The following MAGI1 variants were observed in gnomAD, a reference collection of about 807,000 sequenced individuals.
The protein encoded by MAGI1 is membrane associated guanylate kinase, WW and PDZ domain containing 1.
MAGI1 carries 58 observed loss-of-function variants against 139.9 expected under a neutral mutation model. That is an observed-to-expected ratio of 0.41 (90% CI 0.34 to 0.52). MAGI1 has a LOEUF of 0.52. Ranked by LOEUF, MAGI1 falls within the 20% of genes least tolerant of loss-of-function variation. The pLI is 0.12. For missense variants in MAGI1, 1,874 were observed against 1,901.6 expected (o/e 0.99, Z 0.27); for synonymous variants, 812 against 737.9 (o/e 1.10, Z -1.63).
chr3:65,453,405 T>C lies in MAGI1; in HGVS notation c.960-65A>G, dbSNP rs1351413776. The stretch of plus-strand genomic sequence containing the variant: ...AAAAAAAAAAAAGCAAGAAGCCCAA[T>C]GACGGAATTACACACTCTTGAATAT... On this transcript the variant is annotated intron_variant, in intron 5 of 22. Coordinates refer to ENST00000402939, the MANE Select transcript of MAGI1 (RefSeq NM_001033057.2). 1.1e-5 allele frequency: 13 copies of C among 1,196,302 alleles called. No individual in the cohort carries two copies. The African/African-American group carries it at 2.1e-4, about 19-fold the overall frequency. The allele number at this position is 1,196,302 out of a possible 1,614,324, so 74.1% of individuals were successfully genotyped here. A position where few individuals can be genotyped will look rare whatever the true frequency, so the allele number is the denominator to read the frequency against.
chr3:65,542,770 T>C (rs894654357), intron 2 of MAGI1, among the ~76,000 whole-genome samples: 1 of 152,166 alleles, frequency 6.6e-6, no homozygotes, highest in Non-Finnish European at 1.5e-5. Flanking sequence ...AGTAAAGACT[T>C]AAACATAAGA....
intron 1 of MAGI1, among the ~76,000 whole-genome samples, chr3:65,999,349 T>C (rs920439266): frequency 1.3e-5 from 2 of 152,180 alleles, no homozygotes; most frequent in African/African-American, 4.8e-5. Context: ...CAATAAAATC[T>C]GGGAGCAATA....
At chr3:65,795,845 G>T (rs2108096429) in intron 1 of MAGI1, among the ~76,000 whole-genome samples, 1 of 152,010 alleles carries the variant, frequency 6.6e-6, no homozygotes, top group East Asian at 2.0e-4. Flanking sequence ...GAGGTCAGGA[G>T]TTCAAGACCA....
chr3:65,504,785 G>A (rs574115622), intron 2 of MAGI1, among the ~76,000 whole-genome samples: 1 of 152,236 alleles, frequency 6.6e-6, no homozygotes, highest in Non-Finnish European at 1.5e-5. Context: ...AGAATACTGA[G>A]GAGGACCAGA....
chr3:65,518,873 T>G (rs1177578123), intron 2 of MAGI1, among the ~76,000 whole-genome samples: 1 of 152,094 alleles, frequency 6.6e-6, no homozygotes, highest in Non-Finnish European at 1.5e-5. Context: ...AATATGTCAC[T>G]TAACGTGAGG....
chr3:65,383,544 T>C lies in MAGI1; in HGVS notation c.2496A>G (p.Glu832=), dbSNP rs780834760. 2 of 1,612,906 alleles carry C rather than the reference T, an allele frequency of 1.2e-6. No homozygotes were observed. The highest frequency in any genetic ancestry group is 2.2e-5 in the South Asian group (2 of 91,054). The change falls in exon 15 of 23, where the codon GAA becomes GAG. Residue 832 remains glutamate (E), a synonymous_variant. Transcript: ENST00000402939. ...GFGFRILGGN[E]PGEPIYIGHI... is the part of the protein sequence containing the mutation. ...GCAAAAGACTCACAGGTTCCCCTGG[T>C]TCATTTCCACCCAGAATCCTAAATC... is the stretch of plus-strand genomic sequence containing the variant.
intron 18 of MAGI1, 134 bp downstream of exon 18, chr3:65,375,611 A>G (rs1484746606): frequency 1.3e-6 from 1 of 749,864 alleles, no homozygotes; most frequent in South Asian, 1.8e-5. Flanking sequence ...GTTAGGGATG[A>G]ATAAAGCTGC....
chr3:65,428,776 C>A (rs537813169), intron 12 of MAGI1, among the ~76,000 whole-genome samples: 1 of 152,146 alleles, frequency 6.6e-6, no homozygotes, highest in South Asian at 2.1e-4. Context: ...TGATGATGAT[C>A]AAGGTTATGA....
At chr3:65,467,828 T>C (rs906318647) in intron 5 of MAGI1, among the ~76,000 whole-genome samples, 1 of 152,240 alleles carries the variant, frequency 6.6e-6, no homozygotes, top group African/African-American at 2.4e-5. Context: ...TCTTTACTAA[T>C]GTGACATAAT....
chr3:65,497,193 G>A (rs1196692170), intron 2 of MAGI1, among the ~76,000 whole-genome samples: 2 of 152,064 alleles, frequency 1.3e-5, no homozygotes, highest in African/African-American at 4.8e-5. Flanking sequence ...GTAAACCAAT[G>A]GCATTTGAAG....
intron 14 of MAGI1, among the ~76,000 whole-genome samples, chr3:65,388,758 G>A (rs569350178): frequency 6.6e-6 from 1 of 151,444 alleles, no homozygotes; most frequent in East Asian, 1.9e-4. Flanking sequence ...AAAAGGAACA[G>A]GTTCTCATTT....
At chr3:65,542,231 C>T (rs982717468) in intron 2 of MAGI1, among the ~76,000 whole-genome samples, 5 of 152,084 alleles carry the variant, frequency 3.3e-5, no homozygotes, top group Non-Finnish European at 1.5e-5. Context: ...AGGAACTCTT[C>T]AAGGAGAATT....
Position 65,364,687 on chromosome 3 carries a change from A to T in MAGI1, c.3329T>A (p.Phe1110Tyr), listed in dbSNP as rs752017880. 6.2e-7 allele frequency: 1 copy of T among 1,614,108 alleles called. No homozygotes were observed. The highest frequency in any genetic ancestry group is 1.1e-5 in the South Asian group (1 of 91,084). Reference protein sequence around the residue: ...TKPKQESQFEFKAPQATQEQD... With the variant: ...TKPKQESQFEYKAPQATQEQD... ...CACCTGTGTTGCTTGGGGTGCTTTG[A>T]ACTCAAATTGAGATTCCTGCTTTGG... The change falls in exon 20 of 23, where the codon TTC becomes TAC. Residue 1110 changes from phenylalanine (F) to tyrosine (Y), a missense_variant. Coordinates refer to ENST00000402939, the MANE Select transcript of MAGI1 (RefSeq NM_001033057.2).
chr3:65,618,778 AC>A (rs1232997890), intron 2 of MAGI1, among the ~76,000 whole-genome samples: 1 of 152,108 alleles, frequency 6.6e-6, no homozygotes, highest in Admixed American at 6.6e-5. Flanking sequence ...ATCTGATAAG[AC>A]AGTGGTTGAG....
At chr3:65,813,935 A>T (rs2041440398) in intron 1 of MAGI1, among the ~76,000 whole-genome samples, 1 of 152,174 alleles carries the variant, frequency 6.6e-6, no homozygotes, top group Admixed American at 6.5e-5. Context: ...ATCCCAATAG[A>T]CAGGTCTTGC....
intron 1 of MAGI1, among the ~76,000 whole-genome samples, chr3:65,696,982 CTAAT>C (rs2089251780): frequency 1.3e-5 from 2 of 151,914 alleles, no homozygotes; most frequent in African/African-American, 2.4e-5. Context: ...GCTAGCAAGA[CTAAT>C]AAAGAAGAAA....
intron 2 of MAGI1, among the ~76,000 whole-genome samples, chr3:65,510,306 A>C (rs1263876930): frequency 1.3e-5 from 2 of 152,238 alleles, no homozygotes; most frequent in Non-Finnish European, 2.9e-5. Context: ...TGGATGGAGA[A>C]TGACTTTGAT....
intron 1 of MAGI1, among the ~76,000 whole-genome samples, chr3:65,730,921 T>C (rs2034123807): frequency 6.7e-6 from 1 of 149,018 alleles, no homozygotes; most frequent in East Asian, 1.9e-4. Context: ...TTTTTTTTTT[T>C]CTTTTTAATA....
intron 1 of MAGI1, among the ~76,000 whole-genome samples, chr3:65,948,920 T>A (rs780996392): frequency 6.6e-6 from 1 of 152,138 alleles, no homozygotes; most frequent in Non-Finnish European, 1.5e-5. Flanking sequence ...AACAACTGAA[T>A]TGAATTCTCC....
Sources: allele counts gnomAD v4.1 joint callset (sites outside exome capture counted in the v4.1 genomes callset), GRCh38; gene constraint gnomAD v4.1.1; transcripts MANE v1.5; gene names NCBI Gene and HGNC (gene_info 2026-07-23, HGNC 2026-07-21).